SLC40A1: variants seen among roughly 807,000 people sequenced by gnomAD.
SLC40A1 encodes the protein solute carrier family 40 member 1, also known as ferroportin.
In SLC40A1, 16 loss-of-function variants were observed where a neutral mutation model predicts 53.5. That is an observed-to-expected ratio of 0.30 (90% confidence interval 0.20 to 0.45). The LOEUF is 0.45. Among genes scored for constraint, SLC40A1 ranks in the 20% least tolerant of loss-of-function variants. The pLI is 1.00. For missense variants in SLC40A1, 545 were observed against 695.4 expected (o/e 0.78, Z 2.43); for synonymous variants, 247 against 253.2 (o/e 0.98, Z 0.23).
chr2:189,577,160 G>T (rs73980234), intron 2 of SLC40A1, among the ~76,000 whole-genome samples: 13,050 of 152,138 alleles, frequency 0.086, 1,629 homozygotes, highest in African/African-American at 0.27. Context: ...GTACCCCCAC[G>T]GGACTGAGAG....
Position 189,564,162 on chromosome 2 carries a change from T to A in SLC40A1, c.824A>T (p.Glu275Val). The A allele has an allele frequency of 6.2e-7, 1 of 1,613,536 alleles. No homozygotes were observed. Among genetic ancestry groups the A allele is most frequent in the Non-Finnish European group, 8.5e-7 (1 of 1,179,824 alleles). Residue 275 changes from glutamate (E) to valine (V), a missense_variant, in exon 7 of 8, where the codon GAG (glutamate) becomes GTG (valine). This residue lies in a region of SLC40A1 where 107 missense variants were observed against 91.0 expected (regional missense o/e 1.18). Coordinates refer to ENST00000261024, the MANE Select transcript of SLC40A1 (RefSeq NM_014585.6). ...AGTAGGCTCTTGCTCATGTTCAAGC[T>A]CATGGATGTTAGAGTCTTTCACACC... is the stretch of plus-strand genomic sequence containing the variant. ...LMGVKDSNIH[E>V]LEHEQEPTCA...
At chr2:189,580,005 C>A in intron 1 of SLC40A1, 125 bp from the exon 2 acceptor site, 1 of 947,516 alleles carries the variant, frequency 1.1e-6, no homozygotes, top group Non-Finnish European at 1.7e-6. Context: ...GGACAAACCA[C>A]GTACATTTTA....
chr2:189,562,526 A>AT, intron 7 of SLC40A1, among the ~76,000 whole-genome samples: 1 of 152,306 alleles, frequency 6.6e-6, no homozygotes. Context: ...AAGTACTAGT[A>AT]TTTTTTAAGT....
intron 6 of SLC40A1, among the ~76,000 whole-genome samples, chr2:189,564,579 A>G (rs543699372): frequency 2.7e-4 from 41 of 152,212 alleles, no homozygotes; most frequent in African/African-American, 9.1e-4. Flanking sequence ...GGTGGCTCAC[A>G]CCTGTAATCC....
intron 5 of SLC40A1, among the ~76,000 whole-genome samples, chr2:189,569,123 C>T (rs1293359181): frequency 6.6e-6 from 1 of 152,264 alleles, no homozygotes; most frequent in Non-Finnish European, 1.5e-5. Context: ...CCTGATGCCA[C>T]TGAAATTCTA....
chr2:189,578,850 T>C (rs1379251810), intron 2 of SLC40A1, among the ~76,000 whole-genome samples: 1 of 152,216 alleles, frequency 6.6e-6, no homozygotes, highest in Non-Finnish European at 1.5e-5. Flanking sequence ...TAACAATTTC[T>C]CAAAGGTATT....
intron 1 of SLC40A1, among the ~76,000 whole-genome samples, chr2:189,580,182 T>C (rs1474190440): frequency 6.6e-6 from 1 of 152,090 alleles, no homozygotes; most frequent in Non-Finnish European, 1.5e-5. Context: ...TGTTTCTTTT[T>C]TACACAAGGC....
intron 3 of SLC40A1, among the ~76,000 whole-genome samples, chr2:189,573,218 GACT>G (rs769688284): frequency 5.9e-5 from 9 of 152,130 alleles, no homozygotes; most frequent in Non-Finnish European, 1.3e-4. Context: ...CTATCATAAT[GACT>G]ACATTTTCAT....
rs1458439464 is a variant in SLC40A1, at chr2:189,577,915, T to C, written c.111+1898A>G. On this transcript the variant is annotated intron_variant, in intron 2 of 7. Transcript: ENST00000261024. ...CATGAGCCACTGCACCTAGCCAGGA[T>C]CCACTTCTTACACTATATTGTATTT... Among the ~76,000 whole-genome samples, 3 of 152,122 alleles carry C rather than the reference T, an allele frequency of 2.0e-5. No homozygotes were observed. The East Asian group carries it at 5.8e-4, about 29-fold the overall frequency.
At chr2:189,574,498 T>C (rs2031231231) in intron 3 of SLC40A1, among the ~76,000 whole-genome samples, 1 of 152,196 alleles carries the variant, frequency 6.6e-6, no homozygotes, top group South Asian at 2.1e-4. Flanking sequence ...CTTGGCATTA[T>C]CAACTGAGCA....
In SLC40A1 at chr2:189,571,754, T is replaced by C. The variant is rs375694920; in HGVS notation, c.475A>G (p.Ile159Val). Residue 159 changes from isoleucine to valine, a missense_variant, in exon 5 of 8, where the codon ATT (isoleucine) becomes GTT (valine). Physicochemically the swap from Ile to Val is conservative, Grantham distance 29. This residue lies in a region of SLC40A1 where 197 missense variants were observed against 278.8 expected (regional missense o/e 0.71). Transcript: ENST00000261024. ...ATAITIQRDWIVVVAGEDRSK... is the reference protein window; with the variant it reads ...ATAITIQRDWVVVVAGEDRSK... The stretch of plus-strand genomic sequence containing the variant: ...CTGTCTTCTCCTGCAACAACAACAA[T>C]CCAATCCCTTTGGATTGTGATTGCA... The C allele has an allele frequency of 1.9e-6, 3 of 1,612,850 alleles. No individual in the cohort carries two copies. The highest frequency in any genetic ancestry group is 1.7e-5 in the Admixed American group (1 of 59,994).
intron 7 of SLC40A1, 69 bp downstream of exon 7, chr2:189,563,515 A>G (rs2030822293): frequency 4.2e-6 from 6 of 1,419,864 alleles, no homozygotes; most frequent in Non-Finnish European, 4.8e-6. Context: ...TCATTTATTA[A>G]TGGATTCTCT....
Position 189,560,952 on chromosome 2 carries a change from CTGAG to C in SLC40A1, c.*922_*925del, listed in dbSNP as rs985243278. Reference sequence around the variant, plus strand: ...AACAGTAAAAATAAAAATATTCTACCTGAGTGTGTTAAATCAAGTGATTTGTAAA... The same window carrying C: ...AACAGTAAAAATAAAAATATTCTACCTGTGTTAAATCAAGTGATTTGTAAA... On this transcript the variant is annotated 3_prime_UTR_variant, in exon 8 of 8. Coordinates refer to ENST00000261024, the MANE Select transcript of SLC40A1 (RefSeq NM_014585.6). 1 of 152,092 alleles carries C rather than the reference CTGAG, an allele frequency of 6.6e-6. No individual in the cohort carries two copies. Among genetic ancestry groups the C allele is most frequent in the African/African-American group, 2.4e-5 (1 of 41,406 alleles). The allele number at this position is 152,092 out of a possible 1,614,324, so 9.4% of individuals were successfully genotyped here.
intron 5 of SLC40A1, among the ~76,000 whole-genome samples, chr2:189,569,103 T>G (rs903216150): frequency 6.6e-6 from 1 of 152,284 alleles, no homozygotes; most frequent in African/African-American, 2.4e-5. Flanking sequence ...TAATGACTGC[T>G]GTATTTTGGC....
chr2:189,578,718 T>C (rs886320831), intron 2 of SLC40A1, among the ~76,000 whole-genome samples: 2 of 152,214 alleles, frequency 1.3e-5, no homozygotes, highest in African/African-American at 4.8e-5. Flanking sequence ...CTCACACCAA[T>C]TCCACTTTGT....
intron 5 of SLC40A1, among the ~76,000 whole-genome samples, chr2:189,566,634 T>C (rs1036985026): frequency 1.2e-4 from 19 of 152,136 alleles, no homozygotes; most frequent in Admixed American, 1.2e-3. Context: ...AGGAACACAA[T>C]TCATCAATAG....
rs1308854104 is a variant in SLC40A1 at position 189,580,660 on chromosome 2, C to G, written c.-200G>C. The G allele has an allele frequency of 6.6e-7, 1 of 1,516,162 alleles. No homozygotes were observed. The highest frequency in any genetic ancestry group is 1.7e-4 in the Middle Eastern group (1 of 5,874). The allele number at this position is 1,516,162 out of a possible 1,614,324, so 93.9% of individuals were successfully genotyped here. ...AGGGATTTTCTTTTTTCCTTCTTTCCAAACTTAGCTAACACTGTAGCTGAA... is the reference window on the plus strand; with the variant it reads ...AGGGATTTTCTTTTTTCCTTCTTTCGAAACTTAGCTAACACTGTAGCTGAA... On this transcript the variant is annotated 5_prime_UTR_variant, in exon 1 of 8. Coordinates refer to ENST00000261024, the MANE Select transcript of SLC40A1 (RefSeq NM_014585.6).
chr2:189,566,204 G>A (rs1051352894), intron 5 of SLC40A1, among the ~76,000 whole-genome samples: 2 of 152,186 alleles, frequency 1.3e-5, no homozygotes, highest in East Asian at 1.9e-4. Context: ...TCACAGCAAC[G>A]AGAAGCACTG....
In SLC40A1 at chr2:189,561,477, T is replaced by C. The variant is rs1479731560; in HGVS notation, c.*401A>G. 6.1e-6 allele frequency: 1 copy of C among 164,642 alleles called. No homozygotes were observed. The allele number at this position is 164,642 out of a possible 1,614,324, so 10.2% of individuals were successfully genotyped here. On this transcript the variant is annotated 3_prime_UTR_variant, in exon 8 of 8. Coordinates refer to ENST00000261024, the MANE Select transcript of SLC40A1 (RefSeq NM_014585.6). The stretch of plus-strand genomic sequence containing the variant: ...ATAACTAAGATGCAAAAAAATAAAT[T>C]AGCTAGTCTTGAACAAGAGTGAGTT...
Sources: allele counts gnomAD v4.1 joint callset (sites outside exome capture counted in the v4.1 genomes callset), GRCh38; gene constraint gnomAD v4.1.1; regional missense constraint gnomAD v4.1.1; transcripts MANE v1.5; gene names NCBI Gene and HGNC (gene_info 2026-07-23, HGNC 2026-07-21).